Variants in SLC25A18 observed in about 807,000 individuals in gnomAD.
SLC25A18 encodes mitochondrial glutamate carrier 2.
Under a neutral mutation model 31.1 loss-of-function variants are expected in SLC25A18, and 24 were observed. The ratio of observed to expected loss-of-function variants is 0.77; its 90% CI spans 0.56 to 1.08. The LOEUF is 1.08. Among genes scored for constraint, SLC25A18 ranks in the 50% least tolerant of loss-of-function variants. The probability of loss-of-function intolerance (pLI) is 0.00; values close to 1 mark genes in which losing one functional copy is unlikely to be tolerated. For missense variants in SLC25A18, 371 were observed against 418.5 expected (o/e 0.89, Z 0.99); for synonymous variants, 173 against 161.9 (o/e 1.07, Z -0.52).
intron 2 of SLC25A18, among the ~76,000 whole-genome samples, chr22:17,579,357 G>C (rs949191774): frequency 6.6e-6 from 1 of 152,126 alleles, no homozygotes; most frequent in Non-Finnish European, 1.5e-5. Context: ...AAAGTGTTAG[G>C]ATTACAGGCA....
intron 2 of SLC25A18, among the ~76,000 whole-genome samples, chr22:17,576,903 A>G (rs968602936): frequency 3.9e-5 from 6 of 152,232 alleles, no homozygotes; most frequent in African/African-American, 1.4e-4. Context: ...CCAGTAGCCC[A>G]GGCTGGAGTG....
intron 1 of SLC25A18, among the ~76,000 whole-genome samples, chr22:17,567,591 C>T (rs1438821769): frequency 1.4e-5 from 2 of 141,736 alleles, no homozygotes; most frequent in South Asian, 2.3e-4. Context: ...CTAGACCCAA[C>T]GTGGTTTAAC....
intron 2 of SLC25A18, among the ~76,000 whole-genome samples, chr22:17,578,911 C>G (rs1171655103): frequency 6.6e-6 from 1 of 152,052 alleles, no homozygotes; most frequent in Non-Finnish European, 1.5e-5. Context: ...AAAAAAATAG[C>G]AGGCCCCCTC....
In SLC25A18 at chr22:17,581,155, G is replaced by T; in HGVS notation, c.139G>T (p.Gly47Ter). The change falls in exon 4 of 11, where the codon GGA becomes TGA. Residue 47 changes from glycine (G) to a stop codon, truncating the protein, a stop_gained. Transcript: ENST00000327451. LOFTEE classifies it high-confidence loss of function. The stretch of plus-strand genomic sequence containing the variant: ...CCAGCATGGGAAAGCCATGTACAAA[G>T]GAATGTAGGTGCTGGCAGGCGAGCG... ...QNQHGKAMYK[G>*]MIDCLMKTAR... 1 of 1,593,822 alleles carries T rather than the reference G, an allele frequency of 6.3e-7. No individual in the cohort carries two copies.
At position 17,582,432 on chromosome 22, in the gene SLC25A18, G is replaced by C. The variant is rs188722396; in HGVS notation, c.200-131G>C. On this transcript the variant is annotated intron_variant, in intron 5 of 10. Coordinates refer to ENST00000327451, the MANE Select transcript of SLC25A18 (RefSeq NM_031481.3). ...ATGGAAAGTTATTTCAGTGAATTAG[G>C]CTCAGGAGCCCCACCTGGCCCCAAA... is the stretch of plus-strand genomic sequence containing the variant. 2.5e-4 allele frequency: 147 copies of C among 599,718 alleles called. No individual in the cohort carries two copies. The African/African-American group carries it at 2.6e-3, about 10-fold the overall frequency. 37.1% of individuals were successfully genotyped at this position (599,718 alleles called of 1,614,324 possible). A position where few individuals can be genotyped will look rare whatever the true frequency, so the allele number is the denominator to read the frequency against.
At chr22:17,575,625 T>C (rs12106622) in intron 2 of SLC25A18, among the ~76,000 whole-genome samples, 3,812 of 152,230 alleles carry the variant, frequency 0.025, 142 homozygotes, top group African/African-American at 0.087. Context: ...CCTTACACAG[T>C]GAACAGTAGC....
intron 1 of SLC25A18, among the ~76,000 whole-genome samples, chr22:17,566,658 C>CA (rs1229606011): frequency 6.6e-6 from 1 of 152,154 alleles, no homozygotes; most frequent in Non-Finnish European, 1.5e-5. Context: ...GTGATCCGCC[C>CA]ACCTCAGCCT....
chr22:17,567,275 A>G (rs1046937900), intron 1 of SLC25A18, among the ~76,000 whole-genome samples: 47 of 127,240 alleles, frequency 3.7e-4, no homozygotes, highest in Admixed American at 7.5e-4. Flanking sequence ...TGAACAGGCA[A>G]CACAGACAAC....
chr22:17,570,117 T>A, intron 2 of SLC25A18, 131 bp downstream of exon 2: 1 of 614,418 alleles, frequency 1.6e-6, no homozygotes, highest in Non-Finnish European at 2.0e-6. Context: ...TTGGATAGAG[T>A]CAGAAGGGGT....
At chr22:17,577,230 G>A (rs55758601) in intron 2 of SLC25A18, among the ~76,000 whole-genome samples, 8,367 of 152,030 alleles carry the variant, frequency 0.055, 318 homozygotes, top group Non-Finnish European at 0.084. Flanking sequence ...CACCATGTTA[G>A]CCAGGATGGT....
chr22:17,583,049 T>C (rs1440310764), intron 6 of SLC25A18, among the ~76,000 whole-genome samples: 3 of 148,338 alleles, frequency 2.0e-5, no homozygotes, highest in African/African-American at 7.3e-5. Context: ...CACTTCGGCG[T>C]GGGTCACAGA....
intron 3 of SLC25A18, chr22:17,580,494 A>G: frequency 1.0e-6 from 1 of 987,140 alleles, no homozygotes; most frequent in Non-Finnish European, 1.2e-6. Context: ...GGGCTGACCG[A>G]CTTGAAGCCT....
intron 8 of SLC25A18, among the ~76,000 whole-genome samples, chr22:17,587,534 G>C (rs900383522): frequency 6.6e-6 from 1 of 152,208 alleles, no homozygotes; most frequent in South Asian, 2.1e-4. Flanking sequence ...CCACAGGAAG[G>C]CTGGGTGTTT....
At chr22:17,580,013 A>T (rs764214777) in intron 3 of SLC25A18, 49 bp downstream of exon 3, 1 of 1,575,126 alleles carries the variant, frequency 6.3e-7, no homozygotes, top group Non-Finnish European at 8.7e-7. Context: ...GGCCTGGCGG[A>T]GAGTCGCTGT....
chr22:17,579,351 T>C (rs1369297279), intron 2 of SLC25A18, among the ~76,000 whole-genome samples: 2 of 152,112 alleles, frequency 1.3e-5, no homozygotes, highest in Non-Finnish European at 2.9e-5. Context: ...CCTCCCAAAG[T>C]GTTAGGATTA....
At chr22:17,589,478 T>C in intron 9 of SLC25A18, 112 bp from the exon 10 acceptor site, 1 of 907,658 alleles carries the variant, frequency 1.1e-6, no homozygotes, top group South Asian at 1.5e-5. Context: ...GCCCGGCCTA[T>C]GAGTCAGTTT....
Position 17,590,338 on chromosome 22 carries a change from G to A in SLC25A18, c.*102G>A. 1 of 1,429,678 alleles carries A rather than the reference G, an allele frequency of 7.0e-7. No homozygotes were observed. The highest frequency in any genetic ancestry group is 9.6e-7 in the Non-Finnish European group (1 of 1,040,544). 88.6% of individuals were successfully genotyped at this position (1,429,678 alleles called of 1,614,324 possible). A position where few individuals can be genotyped will look rare whatever the true frequency, so the allele number is the denominator to read the frequency against. On this transcript the variant is annotated 3_prime_UTR_variant, in exon 11 of 11. Coordinates refer to ENST00000327451, the MANE Select transcript of SLC25A18 (RefSeq NM_031481.3). The stretch of plus-strand genomic sequence containing the variant: ...AGGTGGGGCCACTCTGGCCTGCCTG[G>A]TCCTCTGCGTTGTAGTGCTACCTCA...
In SLC25A18 at chr22:17,581,416, GGGCTTCTCA is replaced by G; in HGVS notation, c.199+6_199+14del. ...GGGCTTCTTCGGCATGTACCGAGGT[GGGCTTCTCA>G]GGTCCCCTGGGAGGCTGGGCAGCAG... On this transcript the variant is annotated splice_donor_5th_base_variant and intron_variant, in intron 5 of 10. Coordinates refer to ENST00000327451, the MANE Select transcript of SLC25A18 (RefSeq NM_031481.3). 6.2e-7 allele frequency: 1 copy of G among 1,614,034 alleles called. No homozygotes were observed. The highest frequency in any genetic ancestry group is 1.1e-5 in the South Asian group (1 of 91,084).
intron 2 of SLC25A18, among the ~76,000 whole-genome samples, chr22:17,573,196 A>C (rs941323255): frequency 6.6e-6 from 1 of 152,190 alleles, no homozygotes; most frequent in African/African-American, 2.4e-5. Context: ...CATTAGTAAC[A>C]AAAAGTCATG....
Sources: allele counts gnomAD v4.1 joint callset (sites outside exome capture counted in the v4.1 genomes callset), GRCh38; gene constraint gnomAD v4.1.1; transcripts MANE v1.5; gene names NCBI Gene and HGNC (gene_info 2026-07-23, HGNC 2026-07-21).